POC1B: variants seen among roughly 807,000 people sequenced by gnomAD.
The protein encoded by POC1B is POC1 centriolar protein B, also known as POC1 centriolar protein homolog B.
In POC1B, 44 loss-of-function variants were observed where a neutral mutation model predicts 60.6. The ratio of observed to expected loss-of-function variants is 0.73; its 90% CI spans 0.57 to 0.93. The LOEUF is 0.93. Ranked by LOEUF, POC1B falls within the 40% of genes least tolerant of loss-of-function variation. The pLI, the probability that POC1B is intolerant of heterozygous loss-of-function variation, is 0.00. For missense variants in POC1B, 555 were observed against 572.3 expected (o/e 0.97, Z 0.31); for synonymous variants, 180 against 198.9 (o/e 0.90, Z 0.80).
At chr12:89,415,136 G>C (rs575635755), downstream of POC1B, among the ~76,000 whole-genome samples, 54 of 152,174 alleles carry the variant, frequency 3.5e-4, no homozygotes, top group African/African-American at 1.2e-3. Context: ...CCAGCATTTG[G>C]CCAGAACTTT....
chr12:89,424,229 A>G (rs1362221839), intron 11 of POC1B, among the ~76,000 whole-genome samples: 2 of 150,950 alleles, frequency 1.3e-5, no homozygotes, highest in African/African-American at 2.4e-5. Context: ...CACTGGCTGT[A>G]AAACAGAATC....
At chr12:89,523,226 G>T (rs1871075643) in intron 2 of POC1B, 2 of 1,614,014 alleles carry the variant, frequency 1.2e-6, no homozygotes, top group East Asian at 4.5e-5. Flanking sequence ...TGCCAGCCTG[G>T]TCTATCCTCT....
At chr12:89,410,756 G>A in the POC1B span, among the ~76,000 whole-genome samples, 65 of 151,806 alleles carry the variant, frequency 4.3e-4, no homozygotes, top group African/African-American at 1.5e-3. Context: ...ACATAGTATT[G>A]GAAGTTCTGG....
At chr12:89,505,841 G>C (rs1869866833) in intron 2 of POC1B, among the ~76,000 whole-genome samples, 1 of 152,180 alleles carries the variant, frequency 6.6e-6, no homozygotes, top group Non-Finnish European at 1.5e-5. Flanking sequence ...ACGCAGTCAG[G>C]AGAAAGCAGT....
intron 2 of POC1B, chr12:89,502,018 AG>A: frequency 1.0e-6 from 1 of 982,856 alleles, no homozygotes; most frequent in South Asian, 1.3e-5. Context: ...ATCTACAGGA[AG>A]CTCAAAGAAT....
At chr12:89,486,969 G>T (rs921030456) in intron 4 of POC1B, among the ~76,000 whole-genome samples, 1 of 151,514 alleles carries the variant, frequency 6.6e-6, no homozygotes, top group Non-Finnish European at 1.5e-5. Context: ...ATACTTTCAG[G>T]TATGGCTGTA....
intron 10 of POC1B, among the ~76,000 whole-genome samples, chr12:89,431,483 A>G (rs983866228): frequency 6.6e-6 from 1 of 152,160 alleles, no homozygotes; most frequent in Non-Finnish European, 1.5e-5. Flanking sequence ...ACGTATGTAT[A>G]AAACGTCTGC....
intron 2 of POC1B, among the ~76,000 whole-genome samples, chr12:89,509,491 T>C (rs952266801): frequency 6.6e-6 from 1 of 152,182 alleles, no homozygotes; most frequent in Non-Finnish European, 1.5e-5. Context: ...TAGAAACCAA[T>C]ATCTGGGCAC....
chr12:89,523,318 T>A (rs954976391), intron 2 of POC1B: 2 of 1,613,954 alleles, frequency 1.2e-6, no homozygotes, highest in African/African-American at 2.7e-5. Context: ...TAATTTTCTT[T>A]CAGAAATATC....
At chr12:89,423,942 A>C (rs1298826777) in intron 11 of POC1B, among the ~76,000 whole-genome samples, 2 of 152,254 alleles carry the variant, frequency 1.3e-5, no homozygotes, top group Non-Finnish European at 2.9e-5. Flanking sequence ...AGTTATGGCA[A>C]TATGGGAAAC....
At chr12:89,522,496 A>T in intron 2 of POC1B, 1 of 343,748 alleles carries the variant, frequency 2.9e-6, no homozygotes, top group Non-Finnish European at 5.2e-6. Context: ...GGACCTTTAC[A>T]TTCTTTAATA....
chr12:89,468,242 G>A lies in POC1B; in HGVS notation c.811-557C>T, dbSNP rs79173844. 4.3e-3 allele frequency among the ~76,000 whole-genome samples: 653 copies of A among 152,280 alleles called. 9 individuals carry two copies. The highest frequency in any genetic ancestry group is 0.015 in the African/African-American group (611 of 41,552). ...AAGATGAATTGGAGTAAGATGCTTG[G>A]TTGGAGGCCAGTTAGGAAGTTCCTG... On this transcript the variant is annotated intron_variant, in intron 7 of 11. Transcript: ENST00000313546.
At chr12:89,502,514 G>C in intron 2 of POC1B, 1 of 1,077,536 alleles carries the variant, frequency 9.3e-7, no homozygotes, top group Non-Finnish European at 1.4e-6. Flanking sequence ...GATCTGTCTT[G>C]ATAACGATGA....
downstream of POC1B, among the ~76,000 whole-genome samples, chr12:89,419,088 A>G (rs1005447430): frequency 1.3e-5 from 2 of 151,968 alleles, no homozygotes; most frequent in African/African-American, 4.8e-5. Context: ...CTTGAGCAAC[A>G]GGAAGGAAAG....
chr12:89,475,689 G>A (rs1298607325), intron 4 of POC1B, among the ~76,000 whole-genome samples: 3 of 152,138 alleles, frequency 2.0e-5, no homozygotes, highest in Non-Finnish European at 4.4e-5. Context: ...TTTCTACTAA[G>A]ACATTAATAG....
intron 10 of POC1B, chr12:89,428,082 T>TA (rs780735537): frequency 1.4e-4 from 22 of 152,348 alleles, no homozygotes; most frequent in Non-Finnish European, 2.5e-4. Context: ...CTCATGATCA[T>TA]AGTCTACATT....
At chr12:89,436,588 C>T (rs1027929965) in intron 10 of POC1B, among the ~76,000 whole-genome samples, 8 of 152,076 alleles carry the variant, frequency 5.3e-5, no homozygotes, top group African/African-American at 1.9e-4. Flanking sequence ...GTGGCATGTG[C>T]CTGTAGTCCC....
the POC1B span, among the ~76,000 whole-genome samples, chr12:89,404,851 A>G: frequency 6.8e-4 from 103 of 152,292 alleles, no homozygotes; most frequent in Non-Finnish European, 1.0e-3. Flanking sequence ...TCTCTTCTCC[A>G]GGTAAAGATC....
At chr12:89,455,361 A>G (rs1882212923) in intron 10 of POC1B, among the ~76,000 whole-genome samples, 1 of 152,172 alleles carries the variant, frequency 6.6e-6, no homozygotes, top group Non-Finnish European at 1.5e-5. Context: ...AAAAGAAAAA[A>G]AGAACTGGTC....
Sources: gnomAD v4.1 joint callset for allele counts (sites outside exome capture counted in the v4.1 genomes callset) on GRCh38, gnomAD v4.1.1 for gene constraint, MANE v1.5 for transcripts, NCBI Gene and HGNC (gene_info 2026-07-23, HGNC 2026-07-21) for gene names.